The following KAT2B variants were observed in gnomAD, a reference collection of about 807,000 sequenced individuals.
The protein encoded by KAT2B is lysine acetyltransferase 2B.
In KAT2B, 36 loss-of-function variants were observed where a neutral mutation model predicts 105.9. That is an observed-to-expected ratio of 0.34 (90% CI 0.26 to 0.45). The LOEUF (loss-of-function observed/expected upper bound fraction) is 0.45. KAT2B is among the 20% of genes least tolerant of loss of function. The pLI is 1.00. For synonymous variants in KAT2B, 397 were observed against 377.9 expected, an observed-to-expected ratio of 1.05 and a Z score of -0.59; for missense variants, 820 against 1,021.6, an observed-to-expected ratio of 0.80 and a Z score of 2.69.
chr3:20,100,900 ATATT>A lies in KAT2B; in HGVS notation c.670-383_670-380del, dbSNP rs543630012. On this transcript the variant is annotated intron_variant, in intron 4 of 17. Transcript: ENST00000263754. ...TTAGCATTTTTGTAATGTAAAAACAATATTTATCTAAGAACTGCATTATATGTGG... is the reference window on the plus strand; with the variant it reads ...TTAGCATTTTTGTAATGTAAAAACAATATCTAAGAACTGCATTATATGTGG... 299 of 180,738 alleles carry A rather than the reference ATATT, an allele frequency of 1.7e-3. 1 individual carries two copies. The highest frequency in any genetic ancestry group is 4.5e-3 in the African/African-American group (192 of 42,764). 11.2% of individuals were successfully genotyped at this position (180,738 alleles called of 1,614,324 possible).
At chr3:20,088,913 T>G (rs1698666899) in intron 2 of KAT2B, among the ~76,000 whole-genome samples, 1 of 152,230 alleles carries the variant, frequency 6.6e-6, no homozygotes, top group South Asian at 2.1e-4. Flanking sequence ...AATAGGTTTT[T>G]GTATATGGTA....
In KAT2B at chr3:20,137,008, C is replaced by T; in HGVS notation, c.1816C>T (p.Leu606Phe). 6.2e-7 allele frequency: 1 copy of T among 1,609,146 alleles called. No individual in the cohort carries two copies. The highest frequency in any genetic ancestry group is 8.5e-7 in the Non-Finnish European group (1 of 1,175,654). The change falls in exon 12 of 18, where the codon CTC becomes TTC. Residue 606 changes from leucine (L) to phenylalanine (F), a missense_variant. By Grantham distance (22) the Leu-to-Phe change is conservative (BLOSUM62 0). Around this residue, in one of 6 missense-constraint regions of KAT2B, gnomAD observed 227 missense variants for 292.9 expected, o/e 0.77. Transcript: ENST00000263754. ...CATAAAGCATGACATCCTGAACTTC[C>T]TCACATATGCAGATGAATATGCAAT... ...YHIKHDILNF[L>F]TYADEYAIGY...
chr3:20,058,455 A>G (rs1698040165), intron 1 of KAT2B, among the ~76,000 whole-genome samples: 1 of 92,024 alleles, frequency 1.1e-5, no homozygotes, highest in African/African-American at 4.0e-5. Context: ...CTCTGTCTCA[A>G]AAAAAAAAAA....
intron 6 of KAT2B, among the ~76,000 whole-genome samples, chr3:20,112,309 A>G (rs567589885): frequency 1.3e-5 from 2 of 152,254 alleles, no homozygotes; most frequent in South Asian, 4.1e-4. Flanking sequence ...GAGCTCCTTC[A>G]GCGTGATGAA....
intron 11 of KAT2B, among the ~76,000 whole-genome samples, chr3:20,135,699 C>G (rs1699588587): frequency 6.6e-6 from 1 of 151,884 alleles, no homozygotes; most frequent in Admixed American, 6.6e-5. Context: ...GATAAGGTGT[C>G]ATTCAGTCAT....
At chr3:20,105,212 A>C (rs946600680) in intron 5 of KAT2B, among the ~76,000 whole-genome samples, 9 of 152,190 alleles carry the variant, frequency 5.9e-5, no homozygotes, top group Admixed American at 2.6e-4. Flanking sequence ...AGTGTATGTT[A>C]ACTGTACCTT....
At position 20,146,409 on chromosome 3, in the gene KAT2B, A is replaced by T; in HGVS notation, c.2098A>T (p.Ile700Leu). 6.2e-7 allele frequency: 1 copy of T among 1,610,424 alleles called. No individual in the cohort carries two copies. Residue 700 changes from isoleucine (I) to leucine (L), a missense_variant, in exon 14 of 18, where the codon ATA becomes TTA. Ile to Leu is a conservative substitution (Grantham distance 5). This residue lies in a region of KAT2B where 227 missense variants were observed against 292.9 expected (regional missense o/e 0.77). Coordinates refer to ENST00000263754, the MANE Select transcript of KAT2B (RefSeq NM_003884.5). ...CFKDGVRQIP[I>L]ESIPGIRETG... is the part of the protein sequence containing the mutation. ...TAAAGATGGAGTTCGACAGATTCCT[A>T]TAGAAAGCATTCCTGGAATTAGTAC... is the stretch of plus-strand genomic sequence containing the variant.
chr3:20,099,836 T>C (rs200572213), intron 3 of KAT2B, 26 bp from the exon 4 acceptor site: 12 of 1,330,462 alleles, frequency 9.0e-6, no homozygotes, highest in African/African-American at 1.5e-5. Flanking sequence ...TTTTTCTTTT[T>C]CTTTTTTTTA....
chr3:20,118,261 G>A (rs1699240705), intron 7 of KAT2B, among the ~76,000 whole-genome samples: 1 of 141,760 alleles, frequency 7.1e-6, no homozygotes, highest in South Asian at 2.2e-4. Flanking sequence ...ACAAAAATAT[G>A]TAAATATATT....
rs1697694733 is a variant in KAT2B, at chr3:20,040,595, T to C, written c.118T>C (p.Ser40Pro). The C allele has an allele frequency of 8.3e-7, 1 of 1,198,820 alleles. No individual in the cohort carries two copies. The highest frequency in any genetic ancestry group is 1.0e-6 in the Non-Finnish European group (1 of 964,102). The allele number at this position is 1,198,820 out of a possible 1,614,324, so 74.3% of individuals were successfully genotyped here. ...AALPPAPPQG[S>P]PCAAAAGGSG... is the part of the protein sequence containing the mutation. ...GCTTCCGCCCGCGCCCCCGCAGGGC[T>C]CCCCCTGCGCCGCTGCCGCCGGGGG... The change falls in exon 1 of 18, where the codon TCC becomes CCC. Residue 40 changes from serine (S) to proline (P), a missense_variant. Physicochemically the swap from Ser to Pro is moderately conservative, Grantham distance 74. Coordinates refer to ENST00000263754, the MANE Select transcript of KAT2B (RefSeq NM_003884.5).
intron 2 of KAT2B, among the ~76,000 whole-genome samples, chr3:20,091,581 A>G (rs1698719029): frequency 6.6e-6 from 1 of 151,916 alleles, no homozygotes; most frequent in African/African-American, 2.4e-5. Flanking sequence ...GTGTAACATT[A>G]GGTTGTTCAT....
intron 1 of KAT2B, among the ~76,000 whole-genome samples, chr3:20,062,181 AATATAT>A (rs374195955): frequency 2.8e-4 from 17 of 61,536 alleles, no homozygotes; most frequent in Admixed American, 4.9e-4. Context: ...TATAATATAT[AATATAT>A]AAAATATATA....
At chr3:20,047,725 G>C (rs972298076) in intron 1 of KAT2B, among the ~76,000 whole-genome samples, 4 of 150,284 alleles carry the variant, frequency 2.7e-5, no homozygotes, top group Non-Finnish European at 4.4e-5. Context: ...CAATTTGCCT[G>C]CCTCAGCCTC....
rs950791103 is a variant in KAT2B at position 20,140,381 on chromosome 3, C to T, written c.2004+17C>T. On this transcript the variant is annotated intron_variant, in intron 13 of 17. Coordinates refer to ENST00000263754, the MANE Select transcript of KAT2B (RefSeq NM_003884.5). Reference sequence around the variant, plus strand: ...CAGAAGGAGGTAAGCAGGTGGTTGACTCCCTTACCTTCTGTACAGGCCAGT... The same window carrying T: ...CAGAAGGAGGTAAGCAGGTGGTTGATTCCCTTACCTTCTGTACAGGCCAGT... 1.2e-6 allele frequency: 2 copies of T among 1,612,824 alleles called. No homozygotes were observed. The highest frequency in any genetic ancestry group is 1.7e-6 in the Non-Finnish European group (2 of 1,179,690).
chr3:20,106,316 A>G (rs1699001749), intron 5 of KAT2B, among the ~76,000 whole-genome samples: 1 of 152,268 alleles, frequency 6.6e-6, no homozygotes, highest in Non-Finnish European at 1.5e-5. Flanking sequence ...TCATGTAGGT[A>G]AAATCTTTTC....
At chr3:20,111,109 C>G (rs905734206) in intron 5 of KAT2B, among the ~76,000 whole-genome samples, 3 of 152,212 alleles carry the variant, frequency 2.0e-5, no homozygotes, top group Non-Finnish European at 4.4e-5. Flanking sequence ...GGGTCTTCCT[C>G]AGCTTCTCCT....
chr3:20,072,560 A>G, intron 2 of KAT2B, 101 bp downstream of exon 2: 1 of 1,087,740 alleles, frequency 9.2e-7, no homozygotes, highest in South Asian at 1.3e-5. Context: ...AATGCTGTGT[A>G]CCTCTGTATG....
At chr3:20,118,989 C>G (rs1699259875) in intron 7 of KAT2B, among the ~76,000 whole-genome samples, 1 of 151,878 alleles carries the variant, frequency 6.6e-6, no homozygotes, top group African/African-American at 2.4e-5. Flanking sequence ...TGCCTCTTGT[C>G]TCAATAATGT....
chr3:20,045,519 A>T (rs185295419), intron 1 of KAT2B, among the ~76,000 whole-genome samples: 2 of 151,908 alleles, frequency 1.3e-5, no homozygotes, highest in Admixed American at 6.6e-5. Flanking sequence ...CCTGCTTGGG[A>T]TTGGGTTTTT....
Sources: allele counts gnomAD v4.1 joint callset (sites outside exome capture counted in the v4.1 genomes callset), GRCh38; gene constraint gnomAD v4.1.1; regional missense constraint gnomAD v4.1.1; transcripts MANE v1.5; gene names NCBI Gene and HGNC (gene_info 2026-07-23, HGNC 2026-07-21).